Variants in GTPBP3 observed in about 807,000 individuals in gnomAD.
GTPBP3 encodes the protein 5-taurinomethyluridine-[tRNA] synthase subunit GTPB3, mitochondrial.
A neutral mutation model predicts 42.0 loss-of-function variants in GTPBP3; 35 were observed. The observed-to-expected ratio is 0.83, with a 90% CI of 0.64 to 1.10. GTPBP3 has a LOEUF of 1.10. Ranked by LOEUF, GTPBP3 falls within the 50% of genes least tolerant of loss-of-function variation. The pLI, the probability that GTPBP3 is intolerant of heterozygous loss-of-function variation, is 0.00. For missense variants in GTPBP3, 691 were observed against 685.2 expected (o/e 1.01, Z -0.09); for synonymous variants, 332 against 314.9 (o/e 1.05, Z -0.58).
Position 17,341,977 on chromosome 19 carries a change from G to A in GTPBP3, c.*274G>A, listed in dbSNP as rs542262633. Reference sequence around the variant, plus strand: ...AGGAGGATCTCAGTATATTTGTTTCGTAGTTTTTTATTTATTTTGCAAATA... The same window carrying A: ...AGGAGGATCTCAGTATATTTGTTTCATAGTTTTTTATTTATTTTGCAAATA... On this transcript the variant is annotated 3_prime_UTR_variant, in exon 9 of 9. Coordinates refer to ENST00000324894, the MANE Select transcript of GTPBP3 (RefSeq NM_032620.4). The A allele has an allele frequency of 9.8e-5, 36 of 366,390 alleles. No individual in the cohort carries two copies. The highest frequency in any genetic ancestry group is 4.8e-4 in the African/African-American group (23 of 48,130). The allele number at this position is 366,390 out of a possible 1,614,324, so 22.7% of individuals were successfully genotyped here.
At chr19:17,339,745 T>TG in intron 7 of GTPBP3, 146 bp downstream of exon 7, 1 of 806,754 alleles carries the variant, frequency 1.2e-6, no homozygotes, top group East Asian at 3.0e-5. Flanking sequence ...GTTCTTTTTT[T>TG]TTTTTTTTTT....
rs753358209 is a variant in GTPBP3 at position 17,341,009 on chromosome 19, C to T, written c.975-35C>T. The T allele has an allele frequency of 6.9e-6, 11 of 1,595,918 alleles. No individual in the cohort carries two copies. The South Asian group carries it at 1.2e-4, about 18-fold the overall frequency. ...CACCCAGTGCCTTCAATTGCTCAAC[C>T]TGGGATCCCCGCTCAGTTGACCTTG... On this transcript the variant is annotated intron_variant, in intron 7 of 8. Coordinates refer to ENST00000324894, the MANE Select transcript of GTPBP3 (RefSeq NM_032620.4).
chr19:17,339,912 ATT>A (rs35014753), intron 7 of GTPBP3, among the ~76,000 whole-genome samples: 61,514 of 139,686 alleles, frequency 0.44, 15,135 homozygotes, highest in African/African-American at 0.7. Flanking sequence ...ACGCCGAACT[ATT>A]TTTTTTTTTT....
In GTPBP3 at chr19:17,339,017, C is replaced by G; in HGVS notation, c.655C>G (p.Leu219Val). 1 of 1,614,090 alleles carries G rather than the reference C, an allele frequency of 6.2e-7. No individual in the cohort carries two copies. Among genetic ancestry groups the G allele is most frequent in the Non-Finnish European group, 8.5e-7 (1 of 1,179,948 alleles). Residue 219 changes from leucine to valine, a missense_variant, in exon 5 of 9, where the codon CTG becomes GTG. Physicochemically the swap from Leu to Val is conservative, Grantham distance 32. Transcript: ENST00000324894. ...GGATGACAACCTGGAGGAGGGGGTCCTGGAGCAAGGTGGGTCTACCTGGTG... is the reference window on the plus strand; with the variant it reads ...GGATGACAACCTGGAGGAGGGGGTCGTGGAGCAAGGTGGGTCTACCTGGTG... ...GEDDNLEEGV[L>V]EQADIEVRAL...
chr19:17,341,782 G>A lies in GTPBP3; in HGVS notation c.*79G>A, dbSNP rs947544633. On this transcript the variant is annotated 3_prime_UTR_variant, in exon 9 of 9. Transcript: ENST00000324894. ...GATCTGGAAACAGTTTAGGCCAATT[G>A]GGATTCTCATTCGCCTGGGAAAGAA... 14 of 1,246,172 alleles carry A rather than the reference G, an allele frequency of 1.1e-5. No individual in the cohort carries two copies. The highest frequency in any genetic ancestry group is 5.7e-4 in the Middle Eastern group (2 of 3,492). 77.2% of individuals were successfully genotyped at this position (1,246,172 alleles called of 1,614,324 possible). A position where few individuals can be genotyped will look rare whatever the true frequency, so the allele number is the denominator to read the frequency against.
At position 17,342,691 on chromosome 19, in the gene GTPBP3, C is replaced by A. The variant is rs1352558152; in HGVS notation, c.*988C>A. 3 of 151,916 alleles carry A rather than the reference C, an allele frequency of 2.0e-5. No homozygotes were observed. The highest frequency in any genetic ancestry group is 2.0e-4 in the Admixed American group (3 of 15,248). 9.4% of individuals were successfully genotyped at this position (151,916 alleles called of 1,614,324 possible). A position where few individuals can be genotyped will look rare whatever the true frequency, so the allele number is the denominator to read the frequency against. On this transcript the variant is annotated 3_prime_UTR_variant, in exon 9 of 9. Transcript: ENST00000324894. ...GGATGTACCTTTCAAATATGTTTGTCTTGTGTATCATATATAAATGGTATT... is the reference window on the plus strand; with the variant it reads ...GGATGTACCTTTCAAATATGTTTGTATTGTGTATCATATATAAATGGTATT...
chr19:17,337,212 C>G (rs568001195), upstream of GTPBP3: 127 of 180,272 alleles, frequency 7.0e-4, no homozygotes, highest in African/African-American at 2.7e-3. Context: ...GTCCTTGCCA[C>G]GCCTAAGGCT....
Position 17,341,014 on chromosome 19 carries a change from A to G in GTPBP3, c.975-30A>G, listed in dbSNP as rs754647739. 1.8e-5 allele frequency: 28 copies of G among 1,598,638 alleles called. No homozygotes were observed. The East Asian group carries it at 6.3e-4, about 36-fold the overall frequency. Reference sequence around the variant, plus strand: ...AGTGCCTTCAATTGCTCAACCTGGGATCCCCGCTCAGTTGACCTTGCTCCC... The same window carrying G: ...AGTGCCTTCAATTGCTCAACCTGGGGTCCCCGCTCAGTTGACCTTGCTCCC... On this transcript the variant is annotated intron_variant, in intron 7 of 8. Transcript: ENST00000324894.
upstream of GTPBP3, chr19:17,336,577 T>C (rs2074370181): frequency 6.6e-6 from 1 of 152,242 alleles, no homozygotes; most frequent in South Asian, 2.1e-4. Context: ...ATTAGAACTC[T>C]ATTCTGTCAG....
chr19:17,339,912 AT>A (rs35014753), intron 7 of GTPBP3, among the ~76,000 whole-genome samples: 24,556 of 139,678 alleles, frequency 0.18, 2,244 homozygotes, highest in South Asian at 0.23. Context: ...ACGCCGAACT[AT>A]TTTTTTTTTT....
chr19:17,337,768 T>G, intron 1 of GTPBP3, 104 bp downstream of exon 1: 1 of 1,344,574 alleles, frequency 7.4e-7, no homozygotes. Flanking sequence ...GAGCAATCAT[T>G]CGCGTTCTTC....
Position 17,339,609 on chromosome 19 carries a change from C to T in GTPBP3, c.974+10C>T. 1.3e-6 allele frequency: 2 copies of T among 1,593,904 alleles called. No homozygotes were observed. The highest frequency in any genetic ancestry group is 1.3e-5 in the African/African-American group (1 of 74,578). On this transcript the variant is annotated intron_variant, in intron 7 of 8. Transcript: ENST00000324894. ...GGCGCGCCCGGGAGAGGTGGGCGGA[C>T]AGGGTGGTGATGGGAGGGGAACGCG...
chr19:17,340,891 A>C, intron 7 of GTPBP3, 153 bp from the exon 8 acceptor site: 25 of 645,214 alleles, frequency 3.9e-5, no homozygotes, highest in South Asian at 6.6e-5. Flanking sequence ...GGCCCCCAAC[A>C]TTCTGCCGGT....
chr19:17,339,079 G>A (rs537512155), intron 5 of GTPBP3, 44 bp from the exon 6 acceptor site: 3 of 1,614,128 alleles, frequency 1.9e-6, no homozygotes, highest in East Asian at 4.5e-5. Context: ...GCCCTCAAAG[G>A]CTCCCCTCAC....
At chr19:17,335,248 G>C, upstream of GTPBP3, 2 of 1,376,764 alleles carry the variant, frequency 1.5e-6, no homozygotes, top group Non-Finnish European at 2.0e-6. Context: ...TAGGAACTTT[G>C]CACGCACCAT....
intron 6 of GTPBP3, 42 bp from the exon 7 acceptor site, chr19:17,339,392 C>T (rs1161293199): frequency 6.2e-7 from 1 of 1,605,752 alleles, no homozygotes; most frequent in Admixed American, 1.7e-5. Context: ...GGGAGGAGCT[C>T]CCTTGTCTCC....
chr19:17,337,272 A>G (rs2074376027), upstream of GTPBP3: 1 of 260,466 alleles, frequency 3.8e-6, no homozygotes, highest in African/African-American at 2.2e-5. Flanking sequence ...CCCTCGCTGT[A>G]ATTTGCACTG....
Position 17,338,416 on chromosome 19 carries a change from G to T in GTPBP3, c.353G>T (p.Gly118Val). Residue 118 changes from glycine (G) to valine (V), a missense_variant, in exon 3 of 9, where the codon GGC becomes GTC. Gly to Val is a moderately radical substitution (Grantham distance 109). Coordinates refer to ENST00000324894, the MANE Select transcript of GTPBP3 (RefSeq NM_032620.4). ...EDCVEFHVHGGPAVVSGVLQA... is the reference protein window; with the variant it reads ...EDCVEFHVHGVPAVVSGVLQA... The stretch of plus-strand genomic sequence containing the variant: ...TGCGTGGAGTTCCACGTGCATGGAG[G>T]CCCGGCAGTGGTGAGCGGCGTCCTG... The T allele has an allele frequency of 1.9e-6, 3 of 1,614,148 alleles. No individual in the cohort carries two copies. Among genetic ancestry groups the T allele is most frequent in the Non-Finnish European group, 1.7e-6 (2 of 1,180,040 alleles).
Position 17,338,230 on chromosome 19 carries a change from C to T in GTPBP3, c.276C>T (p.Asp92=). 5.0e-6 allele frequency: 8 copies of T among 1,584,720 alleles called. No individual in the cohort carries two copies. Among genetic ancestry groups the T allele is most frequent in the South Asian group, 3.4e-5 (3 of 88,950 alleles). The part of the protein sequence containing the change: ...LSDPRSGEPL[D]RALVLWFPGP... ...ATCCCCGCTCCGGGGAGCCTCTGGACCGCGCACTGGTGCTCTGGTTCCCAG... is the reference window on the plus strand; with the variant it reads ...ATCCCCGCTCCGGGGAGCCTCTGGATCGCGCACTGGTGCTCTGGTTCCCAG... The change falls in exon 2 of 9, where the codon GAC becomes GAT. Residue 92 remains aspartate, a synonymous_variant. Transcript: ENST00000324894.
Sources: gnomAD v4.1 joint callset for allele counts (sites outside exome capture counted in the v4.1 genomes callset) on GRCh38, gnomAD v4.1.1 for gene constraint, MANE v1.5 for transcripts, NCBI Gene and HGNC (gene_info 2026-07-23, HGNC 2026-07-21) for gene names.